The following MAGI2 variants were observed in gnomAD, a reference collection of about 807,000 sequenced individuals.
The protein encoded by MAGI2 is membrane-associated guanylate kinase, WW and PDZ domain-containing protein 2.
Under a neutral mutation model 133.3 loss-of-function variants are expected in MAGI2, and 35 were observed. The observed-to-expected ratio is 0.26, with a 90% CI of 0.20 to 0.35. The LOEUF (loss-of-function observed/expected upper bound fraction) is 0.35, where lower values mean the gene tolerates loss of function less well. MAGI2 is among the 10% of genes least tolerant of loss of function. MAGI2 has a pLI of 1.00. For missense variants in MAGI2, 1,636 were observed against 1,863.4 expected (o/e 0.88, Z 2.25); for synonymous variants, 729 against 710.6 (o/e 1.03, Z -0.41).
intron 1 of MAGI2, among the ~76,000 whole-genome samples, chr7:79,358,467 C>G (rs559917096): frequency 5.3e-5 from 8 of 151,732 alleles, no homozygotes; most frequent in Non-Finnish European, 4.4e-5. Context: ...TAACTAGATG[C>G]AATATATATG....
At chr7:78,631,198 G>A (rs1189779990) in intron 2 of MAGI2, among the ~76,000 whole-genome samples, 1 of 152,164 alleles carries the variant, frequency 6.6e-6, no homozygotes, top group Non-Finnish European at 1.5e-5. Flanking sequence ...TTGCTCCCCT[G>A]TTCATGCCAC....
At chr7:79,367,371 T>C (rs1016469631) in intron 1 of MAGI2, among the ~76,000 whole-genome samples, 3 of 151,188 alleles carry the variant, frequency 2.0e-5, no homozygotes, top group Non-Finnish European at 4.4e-5. Flanking sequence ...TTGCTTATTT[T>C]TTATTTTAAT....
intron 6 of MAGI2, among the ~76,000 whole-genome samples, chr7:78,407,211 T>C (rs1325549776): frequency 1.3e-5 from 2 of 152,020 alleles, no homozygotes; most frequent in African/African-American, 4.8e-5. Flanking sequence ...GCAGTCTTTC[T>C]CCTTTAGGGC....
intron 1 of MAGI2, among the ~76,000 whole-genome samples, chr7:79,367,856 G>GTC (rs1554460521): frequency 1.4e-5 from 1 of 69,992 alleles, no homozygotes; most frequent in African/African-American, 8.2e-5. Flanking sequence ...TTATATATGT[G>GTC]ACATATATAT....
At chr7:79,149,104 ATATAT>A (rs1006652898) in intron 1 of MAGI2, among the ~76,000 whole-genome samples, 8 of 144,262 alleles carry the variant, frequency 5.5e-5, no homozygotes, top group Admixed American at 3.6e-4. Context: ...ATGTAATATA[ATATAT>A]TATATTATAT....
At chr7:79,304,790 A>G (rs1837657710) in intron 1 of MAGI2, among the ~76,000 whole-genome samples, 1 of 152,168 alleles carries the variant, frequency 6.6e-6, no homozygotes, top group South Asian at 2.1e-4. Context: ...AGCCAATGTG[A>G]GCCCTTAATT....
At chr7:78,553,318 C>T (rs1215586619) in intron 3 of MAGI2, among the ~76,000 whole-genome samples, 1 of 152,236 alleles carries the variant, frequency 6.6e-6, no homozygotes, top group South Asian at 2.1e-4. Context: ...TTACTCTCCA[C>T]GCTGCCCAAA....
intron 15 of MAGI2, among the ~76,000 whole-genome samples, chr7:78,163,889 A>G (rs1207716486): frequency 7.0e-6 from 1 of 142,132 alleles, no homozygotes; most frequent in Non-Finnish European, 1.5e-5. Flanking sequence ...CCTGGGCAAC[A>G]GAGCAAGACT....
chr7:78,542,451 C>T (rs1798491456), intron 3 of MAGI2, among the ~76,000 whole-genome samples: 1 of 152,100 alleles, frequency 6.6e-6, no homozygotes, highest in South Asian at 2.1e-4. Context: ...CAAAATTAAT[C>T]AAATAAATAA....
At position 78,588,184 on chromosome 7, in the gene MAGI2, C is replaced by T. The variant is rs1803617223; in HGVS notation, c.538+38936G>A. Among the ~76,000 whole-genome samples, 5 of 152,222 alleles carry T rather than the reference C, an allele frequency of 3.3e-5. No homozygotes were observed. The South Asian group carries it at 8.3e-4, about 25-fold the overall frequency. On this transcript the variant is annotated intron_variant, in intron 3 of 21. Coordinates refer to ENST00000354212, the MANE Select transcript of MAGI2 (RefSeq NM_012301.4). The stretch of plus-strand genomic sequence containing the variant: ...TTCAACGTTAGCCCTCTTTTCTCTC[C>T]ACCCGACACTTTATCATCTTTGTTA...
rs985329731 is a variant in MAGI2, at chr7:79,257,650, G to C, written c.301+195370C>G. The stretch of plus-strand genomic sequence containing the variant: ...ATTTTAGAGAGTAACATCCAAAACA[G>C]TGAGCATCTTTTGAAAGGATATGGC... On this transcript the variant is annotated intron_variant, in intron 1 of 21. Coordinates refer to ENST00000354212, the MANE Select transcript of MAGI2 (RefSeq NM_012301.4). 3.3e-5 allele frequency among the ~76,000 whole-genome samples: 5 copies of C among 152,158 alleles called. No homozygotes were observed. The East Asian group carries it at 9.6e-4, about 29-fold the overall frequency.
At chr7:78,961,333 G>A (rs1264405541) in intron 2 of MAGI2, among the ~76,000 whole-genome samples, 1 of 151,964 alleles carries the variant, frequency 6.6e-6, no homozygotes. Flanking sequence ...TTACTGATCT[G>A]AGCCTCACAG....
At chr7:79,333,496 C>A (rs1400322268) in intron 1 of MAGI2, among the ~76,000 whole-genome samples, 4 of 152,166 alleles carry the variant, frequency 2.6e-5, no homozygotes, top group African/African-American at 9.6e-5. Context: ...TTCCTCTTAT[C>A]TATAAGCCTA....
chr7:78,056,824 T>C (rs921654550), intron 21 of MAGI2, among the ~76,000 whole-genome samples: 1 of 151,922 alleles, frequency 6.6e-6, no homozygotes, highest in Non-Finnish European at 1.5e-5. Flanking sequence ...ACTTAAAAGT[T>C]GAAGAAAAAA....
At chr7:79,339,414 C>T (rs1426760801) in intron 1 of MAGI2, among the ~76,000 whole-genome samples, 1 of 150,692 alleles carries the variant, frequency 6.6e-6, no homozygotes, top group Non-Finnish European at 1.5e-5. Flanking sequence ...CAATATTGTA[C>T]CTATAGGTTT....
chr7:78,340,041 A>G (rs182773161), intron 9 of MAGI2, among the ~76,000 whole-genome samples: 130 of 152,324 alleles, frequency 8.5e-4, no homozygotes, highest in African/African-American at 2.9e-3. Context: ...CTCTATACAC[A>G]AACCACTTTA....
rs192340015 is a variant in MAGI2, at chr7:78,985,251, T to A, written c.418+21839A>T. ...CACCTCAATCATTATTCAAAATTAC[T>A]TTTGAAATCACACTATACTCATGGT... On this transcript the variant is annotated intron_variant, in intron 2 of 21. Coordinates refer to ENST00000354212, the MANE Select transcript of MAGI2 (RefSeq NM_012301.4). 7.2e-3 allele frequency among the ~76,000 whole-genome samples: 1,096 copies of A among 152,192 alleles called. 11 individuals carry two copies. Among genetic ancestry groups the A allele is most frequent in the Admixed American group, 0.033 (501 of 15,270 alleles).
At chr7:79,264,078 C>T (rs942249704) in intron 1 of MAGI2, among the ~76,000 whole-genome samples, 15 of 152,072 alleles carry the variant, frequency 9.9e-5, no homozygotes, top group African/African-American at 3.6e-4. Context: ...TAGAAAATAT[C>T]GAGAACATCC....
chr7:78,088,958 C>T (rs1296035818), intron 20 of MAGI2, among the ~76,000 whole-genome samples: 1 of 152,094 alleles, frequency 6.6e-6, no homozygotes, highest in African/African-American at 2.4e-5. Context: ...AAGACAGAAG[C>T]AGAGGTCAGA....
Sources: gnomAD v4.1 joint callset for allele counts (sites outside exome capture counted in the v4.1 genomes callset) on GRCh38, gnomAD v4.1.1 for gene constraint, MANE v1.5 for transcripts, NCBI Gene and HGNC (gene_info 2026-07-23, HGNC 2026-07-21) for gene names.